The following RLF variants were observed in gnomAD, a reference collection of about 807,000 sequenced individuals.
The protein encoded by RLF is RLF zinc finger, also known as zinc finger protein Rlf.
A neutral mutation model predicts 162.9 loss-of-function variants in RLF; 7 were observed. The ratio of observed to expected loss-of-function variants is 0.04; its 90% CI spans 0.02 to 0.08. The LOEUF (loss-of-function observed/expected upper bound fraction) is 0.08, where lower values mean the gene tolerates loss of function less well. Ranked by LOEUF, RLF falls within the 10% of genes least tolerant of loss-of-function variation. The pLI, the probability that RLF is intolerant of heterozygous loss-of-function variation, is 1.00. For synonymous variants in RLF, 782 were observed against 791.5 expected (o/e 0.99, Z 0.20); for missense variants, 1,664 against 2,244.7 (o/e 0.74, Z 5.23).
intron 1 of RLF, among the ~76,000 whole-genome samples, chr1:40,174,429 A>G (rs1424372299): frequency 1.3e-5 from 2 of 151,936 alleles, no homozygotes; most frequent in Non-Finnish European, 2.9e-5. Flanking sequence ...AAATGGGTAT[A>G]TGACCTTGGG....
At chr1:40,214,051 C>T (rs1642894643) in intron 5 of RLF, among the ~76,000 whole-genome samples, 1 of 152,128 alleles carries the variant, frequency 6.6e-6, no homozygotes, top group Non-Finnish European at 1.5e-5. Context: ...TCTGCAGTGG[C>T]CAAGGTGATC....
intron 5 of RLF, among the ~76,000 whole-genome samples, chr1:40,203,769 A>G (rs926296645): frequency 2.0e-5 from 3 of 152,054 alleles, no homozygotes; most frequent in African/African-American, 7.2e-5. Flanking sequence ...ATTTTTTATT[A>G]GATGTAGTAG....
intron 6 of RLF, among the ~76,000 whole-genome samples, chr1:40,227,325 G>A (rs912031521): frequency 6.6e-6 from 1 of 152,122 alleles, no homozygotes; most frequent in Non-Finnish European, 1.5e-5. Context: ...CATTTTCCAT[G>A]ATTTTCAATG....
chr1:40,223,019 T>C (rs558164628), intron 6 of RLF, among the ~76,000 whole-genome samples: 1 of 152,322 alleles, frequency 6.6e-6, no homozygotes, highest in South Asian at 2.1e-4. Flanking sequence ...TTTTCATTTT[T>C]TTAGTATCTT....
chr1:40,191,522 A>T (rs2124536335), intron 3 of RLF, among the ~76,000 whole-genome samples: 2 of 149,918 alleles, frequency 1.3e-5, no homozygotes, highest in Middle Eastern at 6.9e-3. Context: ...TGAGCAACAG[A>T]GTGAGACTCT....
At chr1:40,225,214 G>A (rs914543525) in intron 6 of RLF, among the ~76,000 whole-genome samples, 4 of 152,010 alleles carry the variant, frequency 2.6e-5, no homozygotes, top group Admixed American at 6.6e-5. Context: ...AAACACATAC[G>A]CTAGAATTTA....
intron 2 of RLF, among the ~76,000 whole-genome samples, chr1:40,190,340 C>T (rs1358076700): frequency 6.6e-6 from 1 of 152,118 alleles, no homozygotes; most frequent in Non-Finnish European, 1.5e-5. Flanking sequence ...TGCCAGTCTT[C>T]CTGCTTCCTC....
intron 6 of RLF, among the ~76,000 whole-genome samples, chr1:40,229,121 A>T (rs1292488507): frequency 6.6e-6 from 1 of 152,190 alleles, no homozygotes; most frequent in Admixed American, 6.5e-5. Context: ...TCATTTACTC[A>T]TTTATCGTTA....
chr1:40,193,762 T>G (rs1642591858), intron 3 of RLF, among the ~76,000 whole-genome samples: 1 of 151,770 alleles, frequency 6.6e-6, no homozygotes, highest in African/African-American at 2.4e-5. Context: ...ATTGGGTGGG[T>G]GTGTGGGTGG....
intron 1 of RLF, among the ~76,000 whole-genome samples, chr1:40,175,016 C>A (rs146751116): frequency 6.6e-6 from 1 of 151,958 alleles, no homozygotes; most frequent in Admixed American, 6.6e-5. Context: ...GACTGGGCAA[C>A]GTAGTGAGAC....
chr1:40,206,688 C>T (rs548460923), intron 5 of RLF, among the ~76,000 whole-genome samples: 12 of 152,280 alleles, frequency 7.9e-5, no homozygotes, highest in African/African-American at 1.4e-4. Flanking sequence ...ACTTTTCTAA[C>T]GTTCTCTCAC....
chr1:40,204,144 T>G (rs1234362058), intron 5 of RLF, among the ~76,000 whole-genome samples: 1 of 150,128 alleles, frequency 6.7e-6, no homozygotes, highest in Non-Finnish European at 1.5e-5. Context: ...GCCTCCCGAG[T>G]AGCTGGGATT....
intron 5 of RLF, among the ~76,000 whole-genome samples, chr1:40,204,086 G>A (rs1642756587): frequency 6.8e-6 from 1 of 147,688 alleles, no homozygotes; most frequent in South Asian, 2.1e-4. Flanking sequence ...AGGCTAGAGT[G>A]TAGTGGCGCG....
chr1:40,205,510 G>T (rs61781765), intron 5 of RLF, among the ~76,000 whole-genome samples: 1 of 117,218 alleles, frequency 8.5e-6, no homozygotes, highest in South Asian at 2.7e-4. Context: ...TTTTTTTTGG[G>T]ACAGAGTCTC....
intron 7 of RLF, among the ~76,000 whole-genome samples, chr1:40,235,142 A>G (rs866915996): frequency 7.0e-6 from 1 of 143,266 alleles, no homozygotes; most frequent in Admixed American, 7.4e-5. Flanking sequence ...GCTAAACTGC[A>G]ACCTCCACCT....
At chr1:40,177,051 G>A (rs1425955114) in intron 1 of RLF, among the ~76,000 whole-genome samples, 2 of 150,826 alleles carry the variant, frequency 1.3e-5, no homozygotes, top group Non-Finnish European at 2.9e-5. Context: ...GCAATGGCGC[G>A]ACCTTGACTC....
intron 1 of RLF, among the ~76,000 whole-genome samples, chr1:40,171,042 T>C (rs1642237511): frequency 6.6e-6 from 1 of 151,948 alleles, no homozygotes; most frequent in Admixed American, 6.6e-5. Flanking sequence ...TTGTTTTAAT[T>C]TAGAGACAGG....
chr1:40,186,544 G>A lies in RLF; in HGVS notation c.238-2511G>A, dbSNP rs373585231. Among the ~76,000 whole-genome samples the A allele has an allele frequency of 8.5e-5, 13 of 152,296 alleles. 1 individual carries two copies. Among genetic ancestry groups the A allele is most frequent in the East Asian group, 3.9e-4 (2 of 5,188 alleles). ...AAGCTATTAGATTGGTGGCAAGAGC[G>A]TTCTAAGTGGACAGGTGGATTGTGG... On this transcript the variant is annotated intron_variant, in intron 1 of 7. Coordinates refer to ENST00000372771, the MANE Select transcript of RLF (RefSeq NM_012421.4).
chr1:40,163,787 A>G lies in RLF; in HGVS notation c.237+2151A>G, dbSNP rs914894077. On this transcript the variant is annotated intron_variant, in intron 1 of 7. Transcript: ENST00000372771. Reference sequence around the variant, plus strand: ...GTAACCATGTCTGCAAAACTATCTTATTTTCTGACCTTTATCTCCTTATAA... The same window carrying G: ...GTAACCATGTCTGCAAAACTATCTTGTTTTCTGACCTTTATCTCCTTATAA... 3.9e-5 allele frequency among the ~76,000 whole-genome samples: 6 copies of G among 152,230 alleles called. No homozygotes were observed. In the East Asian group the frequency reaches 5.8e-4, roughly 15 times the overall value.
Sources: allele counts gnomAD v4.1 joint callset (sites outside exome capture counted in the v4.1 genomes callset), GRCh38; gene constraint gnomAD v4.1.1; transcripts MANE v1.5; gene names NCBI Gene and HGNC (gene_info 2026-07-23, HGNC 2026-07-21).